SMOC2: variants seen among roughly 807,000 people sequenced by gnomAD.
SMOC2 encodes the protein SPARC related modular calcium binding 2.
SMOC2 carries 39 observed loss-of-function variants against 61.4 expected under a neutral mutation model. That is an observed-to-expected ratio of 0.64 (90% CI 0.49 to 0.83). The LOEUF (loss-of-function observed/expected upper bound fraction) is 0.83, where lower values mean the gene tolerates loss of function less well. Ranked by LOEUF, SMOC2 falls within the 40% of genes least tolerant of loss-of-function variation. The probability of loss-of-function intolerance (pLI) is 0.00; values close to 1 mark genes in which losing one functional copy is unlikely to be tolerated. For synonymous variants in SMOC2, 247 were observed against 239.9 expected (o/e 1.03, Z -0.27); for missense variants, 556 against 592.9 (o/e 0.94, Z 0.65).
intron 7 of SMOC2, among the ~76,000 whole-genome samples, chr6:168,571,077 G>A (rs933628813): frequency 1.3e-5 from 2 of 152,204 alleles, no homozygotes; most frequent in East Asian, 3.9e-4. Context: ...CCTGACCTTC[G>A]TAACAATGCA....
At chr6:168,518,347 T>C (rs1274591372) in intron 2 of SMOC2, among the ~76,000 whole-genome samples, 1 of 151,052 alleles carries the variant, frequency 6.6e-6, no homozygotes, top group Non-Finnish European at 1.5e-5. Context: ...GAGGTGTGTG[T>C]GCGTGAGTGC....
At chr6:168,612,629 C>T (rs1785910167) in intron 9 of SMOC2, among the ~76,000 whole-genome samples, 1 of 152,244 alleles carries the variant, frequency 6.6e-6, no homozygotes, top group Non-Finnish European at 1.5e-5. Flanking sequence ...TTCGTGATCT[C>T]CATCAGTCCT....
chr6:168,615,280 G>GCA (rs1205976575), intron 9 of SMOC2, among the ~76,000 whole-genome samples: 3 of 83,690 alleles, frequency 3.6e-5, no homozygotes, highest in Non-Finnish European at 7.2e-5. Context: ...CCTACAGCCA[G>GCA]CATGGGGCCT....
At chr6:168,539,750 G>A (rs142957198) in intron 4 of SMOC2, among the ~76,000 whole-genome samples, 7 of 152,340 alleles carry the variant, frequency 4.6e-5, no homozygotes, top group South Asian at 2.1e-4. Context: ...CAGCCTGTGC[G>A]TGGTCTCCTG....
At chr6:168,563,756 T>C (rs1784478596) in intron 7 of SMOC2, among the ~76,000 whole-genome samples, 1 of 152,184 alleles carries the variant, frequency 6.6e-6, no homozygotes, top group Non-Finnish European at 1.5e-5. Context: ...AGAACCTTGA[T>C]CTTGAGCTTC....
intron 9 of SMOC2, among the ~76,000 whole-genome samples, chr6:168,648,977 G>T: frequency 6.6e-6 from 1 of 152,204 alleles, no homozygotes; most frequent in East Asian, 1.9e-4. Flanking sequence ...TGACCCAGGG[G>T]TGGTCCACGC....
At chr6:168,659,571 T>A (rs1583194346) in intron 11 of SMOC2, among the ~76,000 whole-genome samples, 1 of 143,144 alleles carries the variant, frequency 7.0e-6, no homozygotes. Flanking sequence ...GGTTGTAGGT[T>A]GAGTCAGGGT....
chr6:168,483,926 A>T (rs34755476), intron 1 of SMOC2, among the ~76,000 whole-genome samples: 5,606 of 152,270 alleles, frequency 0.037, 479 homozygotes, highest in East Asian at 0.29. Context: ...CTAACATCAG[A>T]TACAATAATT....
chr6:168,639,135 T>A (rs921194620), intron 9 of SMOC2, among the ~76,000 whole-genome samples: 1 of 152,178 alleles, frequency 6.6e-6, no homozygotes, highest in African/African-American at 2.4e-5. Flanking sequence ...CGTCCTTTGT[T>A]CAGATGCAGC....
At chr6:168,599,439 A>C (rs1785450075) in intron 8 of SMOC2, among the ~76,000 whole-genome samples, 1 of 115,466 alleles carries the variant, frequency 8.7e-6, no homozygotes. Flanking sequence ...CCACACTCAC[A>C]CACACATTCG....
chr6:168,548,514 C>A (rs573263850), intron 6 of SMOC2, among the ~76,000 whole-genome samples: 12 of 104,310 alleles, frequency 1.2e-4, no homozygotes, highest in Non-Finnish European at 2.1e-4. Flanking sequence ...CTTGCCACCA[C>A]CCCTGGCTAT....
intron 1 of SMOC2, among the ~76,000 whole-genome samples, chr6:168,506,677 G>A (rs1413454292): frequency 6.6e-6 from 1 of 152,068 alleles, no homozygotes; most frequent in African/African-American, 2.4e-5. Context: ...TTACACCTGG[G>A]CTCCTCGCAC....
At chr6:168,567,695 A>T (rs1784573787) in intron 7 of SMOC2, among the ~76,000 whole-genome samples, 1 of 152,194 alleles carries the variant, frequency 6.6e-6, no homozygotes, top group Non-Finnish European at 1.5e-5. Context: ...CATTTCCGAG[A>T]CTAGAGGACT....
chr6:168,596,545 G>A (rs1785340390), intron 7 of SMOC2, among the ~76,000 whole-genome samples: 1 of 152,250 alleles, frequency 6.6e-6, no homozygotes, highest in African/African-American at 2.4e-5. Context: ...GAGTTTCCCG[G>A]GTGCTGCTGG....
chr6:168,592,598 C>G (rs76647525), intron 7 of SMOC2, among the ~76,000 whole-genome samples: 74 of 116,854 alleles, frequency 6.3e-4, no homozygotes, highest in Non-Finnish European at 9.2e-4. Flanking sequence ...TCTAGAGGAT[C>G]GCGGAGCTCC....
Position 168,628,768 on chromosome 6 carries a change from C to T in SMOC2, c.907+20529C>T, listed in dbSNP as rs545417496. ...CTACCTGCTCTCCGTAGATGCCTGCCTCTGAAGGCCTTTCCTTCAGTCCCT... is the reference window on the plus strand; with the variant it reads ...CTACCTGCTCTCCGTAGATGCCTGCTTCTGAAGGCCTTTCCTTCAGTCCCT... On this transcript the variant is annotated intron_variant, in intron 9 of 12. Transcript: ENST00000356284. Among the ~76,000 whole-genome samples, 12 of 152,374 alleles carry T rather than the reference C, an allele frequency of 7.9e-5. No individual in the cohort carries two copies. In the South Asian group the frequency reaches 2.5e-3, roughly 32 times the overall value.
intron 2 of SMOC2, among the ~76,000 whole-genome samples, chr6:168,513,839 A>G (rs1783066291): frequency 1.3e-5 from 2 of 152,212 alleles, no homozygotes; most frequent in African/African-American, 2.4e-5. Flanking sequence ...CCCTGGCAGC[A>G]TCCTCCAGGT....
chr6:168,473,222 C>A (rs1782003791), intron 1 of SMOC2, among the ~76,000 whole-genome samples: 1 of 152,132 alleles, frequency 6.6e-6, no homozygotes, highest in Non-Finnish European at 1.5e-5. Flanking sequence ...AGGCAGATGC[C>A]TGGAGCAGGG....
At chr6:168,599,041 G>A in intron 8 of SMOC2, 37 bp downstream of exon 8, 1 of 1,532,642 alleles carries the variant, frequency 6.5e-7, no homozygotes, top group South Asian at 1.2e-5. Flanking sequence ...GGGACCATGG[G>A]AGGCTTTGGG....
Sources: gnomAD v4.1 joint callset for allele counts (sites outside exome capture counted in the v4.1 genomes callset) on GRCh38, gnomAD v4.1.1 for gene constraint, MANE v1.5 for transcripts, NCBI Gene and HGNC (gene_info 2026-07-23, HGNC 2026-07-21) for gene names.